The following REV1 variants were observed in gnomAD, a reference collection of about 807,000 sequenced individuals.
The protein encoded by REV1 is REV1 DNA directed polymerase.
Under a neutral mutation model 137.4 loss-of-function variants are expected in REV1, and 42 were observed. The observed-to-expected ratio is 0.31, with a 90% CI of 0.24 to 0.40. REV1 has a LOEUF of 0.40. Ranked by LOEUF, REV1 falls within the 10% of genes least tolerant of loss-of-function variation. The pLI is 1.00. For synonymous variants in REV1, 524 were observed against 519.2 expected (o/e 1.01, Z -0.12); for missense variants, 1,282 against 1,490.1 (o/e 0.86, Z 2.30).
At chr2:99,413,204 A>G (rs1192333185) in intron 12 of REV1, among the ~76,000 whole-genome samples, 7 of 152,248 alleles carry the variant, frequency 4.6e-5, no homozygotes, top group African/African-American at 1.7e-4. Flanking sequence ...AAATATGTAT[A>G]ACTCAAGTTA....
At chr2:99,424,896 G>A in intron 9 of REV1, 1 of 1,299,784 alleles carries the variant, frequency 7.7e-7, no homozygotes, top group Non-Finnish European at 1.0e-6. Context: ...GAACTTTGAG[G>A]GACCTAATTG....
intron 1 of REV1, among the ~76,000 whole-genome samples, chr2:99,481,710 A>ACAC (rs576254691): frequency 0.012 from 1,660 of 141,280 alleles, 9 homozygotes; most frequent in Middle Eastern, 0.026. Flanking sequence ...CACACACACA[A>ACAC]AAATTTAAAT....
At chr2:99,404,845 C>T (rs1338117281) in intron 17 of REV1, among the ~76,000 whole-genome samples, 168 bp from the exon 18 acceptor site, 2 of 152,156 alleles carry the variant, frequency 1.3e-5, no homozygotes, top group East Asian at 3.8e-4. Flanking sequence ...ATTTTTGGAA[C>T]GTCTTGGCCT....
intron 5 of REV1, 105 bp from the exon 6 acceptor site, chr2:99,439,415 C>T (rs1054361625): frequency 3.9e-5 from 27 of 691,628 alleles, no homozygotes; most frequent in Non-Finnish European, 5.7e-5. Context: ...GTATTTCCCC[C>T]TTTAAAAACA....
intron 12 of REV1, among the ~76,000 whole-genome samples, chr2:99,416,253 G>T (rs1487728638): frequency 6.6e-6 from 1 of 152,226 alleles, no homozygotes; most frequent in Non-Finnish European, 1.5e-5. Context: ...GAAATTACTA[G>T]TCTTTAACAA....
At chr2:99,486,846 C>A (rs952481240) in intron 1 of REV1, among the ~76,000 whole-genome samples, 19 of 151,970 alleles carry the variant, frequency 1.3e-4, no homozygotes, top group African/African-American at 4.6e-4. Context: ...ACAAGTCAGA[C>A]AAGACCTCTG....
chr2:99,449,301 A>C (rs754633938), intron 4 of REV1, 35 bp downstream of exon 4: 1 of 1,250,906 alleles, frequency 8.0e-7, no homozygotes, highest in South Asian at 1.9e-5. Context: ...CTAACTTTAA[A>C]AATTTATTAA....
chr2:99,462,694 T>G (rs1266849285), intron 2 of REV1, 72 bp from the exon 3 acceptor site: 1 of 1,453,268 alleles, frequency 6.9e-7, no homozygotes, highest in African/African-American at 1.4e-5. Flanking sequence ...AAAAAAAAAT[T>G]TTAAAAACTA....
chr2:99,421,437 T>C (rs1204840003), intron 11 of REV1, 62 bp downstream of exon 11: 22 of 1,483,830 alleles, frequency 1.5e-5, no homozygotes, highest in Non-Finnish European at 2.0e-5. Context: ...CTCCATAAAA[T>C]TAACTGATAT....
chr2:99,412,816 C>T lies in REV1; in HGVS notation c.2087G>A (p.Arg696His), dbSNP rs138472841. ...KTGQMLYRFC[R>H]GLDDRPVRTE... is the part of the protein sequence containing the mutation. ...TCGAACTGGTCTATCATCCAAGCCACGGCAGAACCTATAAAGCATCTGACC... is the reference window on the plus strand; with the variant it reads ...TCGAACTGGTCTATCATCCAAGCCATGGCAGAACCTATAAAGCATCTGACC... The change falls in exon 13 of 23, where the codon CGT becomes CAT. Residue 696 changes from arginine (R) to histidine (H), a missense_variant. Arg to His is a conservative substitution (Grantham distance 29). Coordinates refer to ENST00000258428, the MANE Select transcript of REV1 (RefSeq NM_016316.4). 175 of 1,614,002 alleles carry T rather than the reference C, an allele frequency of 1.1e-4. No homozygotes were observed. The highest frequency in any genetic ancestry group is 1.4e-4 in the Non-Finnish European group (168 of 1,180,008).
In REV1 at chr2:99,435,671, C is replaced by CT. The variant is rs376393420; in HGVS notation, c.1321+162dup. On this transcript the variant is annotated intron_variant, in intron 7 of 22. Transcript: ENST00000258428. ...ATCCCTATAGGGAGAAAGAAAAACT[C>CT]TAATTTCCCTATACCTTCCCTGATA... 7 of 493,310 alleles carry CT rather than the reference C, an allele frequency of 1.4e-5. No individual in the cohort carries two copies. In the South Asian group the frequency reaches 2.4e-4, roughly 17 times the overall value. The allele number at this position is 493,310 out of a possible 1,614,324, so 30.6% of individuals were successfully genotyped here.
At chr2:99,403,935 T>A in intron 18 of REV1, 120 bp from the exon 19 acceptor site, 1 of 1,198,290 alleles carries the variant, frequency 8.3e-7, no homozygotes, top group Non-Finnish European at 1.2e-6. Context: ...TACGAATTCT[T>A]AACAGTTCCC....
intron 1 of REV1, among the ~76,000 whole-genome samples, chr2:99,480,671 C>T (rs1261610823): frequency 6.6e-6 from 1 of 152,146 alleles, no homozygotes; most frequent in South Asian, 2.1e-4. Context: ...AGAGCAACTG[C>T]AATTCAAAAA....
At chr2:99,447,719 T>G (rs1049498428) in intron 4 of REV1, among the ~76,000 whole-genome samples, 4 of 151,702 alleles carry the variant, frequency 2.6e-5, no homozygotes, top group African/African-American at 7.3e-5. Flanking sequence ...GCATAAAGTT[T>G]TTTTTTTTTT....
At chr2:99,432,430 A>G (rs1041446745) in intron 8 of REV1, among the ~76,000 whole-genome samples, 2 of 152,134 alleles carry the variant, frequency 1.3e-5, no homozygotes, top group Non-Finnish European at 2.9e-5. Flanking sequence ...TGACCCAGAG[A>G]AAGAAAGATC....
chr2:99,435,930 C>T lies in REV1; in HGVS notation c.1225G>A (p.Val409Ile). The change falls in exon 7 of 23, where the codon GTA becomes ATA. Residue 409 changes from valine (V) to isoleucine (I), a missense_variant. Physicochemically the swap from Val to Ile is conservative, Grantham distance 29. Around this residue, in one of 7 missense-constraint regions of REV1, gnomAD observed 432 missense variants for 438.0 expected, o/e 0.99. Transcript: ENST00000258428. ...CTCTGATGTCTGGGAGAATTCAATA[C>T]TGACATATCTCCTAGAAGGAAAAAG... ...LVVTDTGDMS[V>I]LNSPRHQSCI... The T allele has an allele frequency of 6.3e-7, 1 of 1,575,344 alleles. No homozygotes were observed. Among genetic ancestry groups the T allele is most frequent in the Non-Finnish European group, 8.7e-7 (1 of 1,147,520 alleles).
chr2:99,425,200 CA>C (rs1559323603), intron 9 of REV1, among the ~76,000 whole-genome samples: 1 of 152,120 alleles, frequency 6.6e-6, no homozygotes, highest in African/African-American at 2.4e-5. Context: ...TATATACAAA[CA>C]GTTGCCAATT....
chr2:99,425,944 G>C (rs1679285278), intron 9 of REV1, among the ~76,000 whole-genome samples: 1 of 152,146 alleles, frequency 6.6e-6, no homozygotes, highest in Admixed American at 6.5e-5. Flanking sequence ...GCTGAGGCAG[G>C]ATAATCGCTT....
Position 99,435,842 on chromosome 2 carries a change from T to G in REV1, c.1313A>C (p.Asp438Ala). 1 of 1,528,336 alleles carries G rather than the reference T, an allele frequency of 6.5e-7. No homozygotes were observed. The highest frequency in any genetic ancestry group is 9.0e-7 in the Non-Finnish European group (1 of 1,108,844). 94.7% of individuals were successfully genotyped at this position (1,528,336 alleles called of 1,614,324 possible). A position where few individuals can be genotyped will look rare whatever the true frequency, so the allele number is the denominator to read the frequency against. Reference protein sequence around the residue: ...FVSVGIRNRPDLKGKPVAVTS... With the variant: ...FVSVGIRNRPALKGKPVAVTS... ...TAAGCAAGAATACAGACCTTTGAGA[T>G]CTGGTCTATTTCGTATACCCACTGA... is the stretch of plus-strand genomic sequence containing the variant. The change falls in exon 7 of 23, where the codon GAT becomes GCT. Residue 438 changes from aspartate (D) to alanine (A), a missense_variant. Coordinates refer to ENST00000258428, the MANE Select transcript of REV1 (RefSeq NM_016316.4).
Sources: allele counts gnomAD v4.1 joint callset (sites outside exome capture counted in the v4.1 genomes callset), GRCh38; gene constraint gnomAD v4.1.1; regional missense constraint gnomAD v4.1.1; transcripts MANE v1.5; gene names NCBI Gene and HGNC (gene_info 2026-07-23, HGNC 2026-07-21).